The following MYT1L variants were observed in gnomAD, a reference collection of about 807,000 sequenced individuals.
MYT1L encodes myelin transcription factor 1 like.
Under a neutral mutation model 126.7 loss-of-function variants are expected in MYT1L, and 12 were observed. The observed-to-expected ratio is 0.09, with a 90% CI of 0.06 to 0.15. MYT1L has a LOEUF of 0.15. Among genes scored for constraint, MYT1L ranks in the 10% least tolerant of loss-of-function variants. The pLI, the probability that MYT1L is intolerant of heterozygous loss-of-function variation, is 1.00. For missense variants in MYT1L, 979 were observed against 1,585.2 expected, an observed-to-expected ratio of 0.62 and a Z score of 6.49; for synonymous variants, 541 against 604.2, an observed-to-expected ratio of 0.90 and a Z score of 1.53.
chr2:2,172,171 C>T (rs988079261), intron 3 of MYT1L, among the ~76,000 whole-genome samples: 1 of 152,174 alleles, frequency 6.6e-6, no homozygotes, highest in Admixed American at 6.5e-5. Context: ...AAAATATGTG[C>T]TGCCAGGCAG....
intron 21 of MYT1L, chr2:1,827,514 G>C (rs368253516): frequency 6.6e-6 from 1 of 152,252 alleles, no homozygotes; most frequent in African/African-American, 2.4e-5. Context: ...GTTGGGAAAA[G>C]GGGAGCATCC....
chr2:2,147,101 T>C (rs1254104700), intron 3 of MYT1L, among the ~76,000 whole-genome samples: 5 of 152,238 alleles, frequency 3.3e-5, no homozygotes, highest in Non-Finnish European at 2.9e-5. Context: ...CTCCAGCTGC[T>C]AGCAGGCTTG....
intron 8 of MYT1L, among the ~76,000 whole-genome samples, chr2:1,945,665 A>T (rs73910760): frequency 0.01 from 1,594 of 152,144 alleles, 36 homozygotes; most frequent in African/African-American, 0.037. Flanking sequence ...GAAATGAAAA[A>T]ATATATATAT....
intron 3 of MYT1L, among the ~76,000 whole-genome samples, chr2:2,117,259 A>G (rs2080332939): frequency 6.6e-6 from 1 of 152,248 alleles, no homozygotes; most frequent in South Asian, 2.1e-4. Flanking sequence ...TCTTCTCATG[A>G]CTTCAAAATA....
chr2:2,185,270 A>G lies in MYT1L; in HGVS notation c.-420-12282T>C, dbSNP rs562666718. Among the ~76,000 whole-genome samples the G allele has an allele frequency of 5.7e-4, 87 of 152,372 alleles. 1 individual carries two copies. The highest frequency in any genetic ancestry group is 2.0e-3 in the African/African-American group (82 of 41,596). ...GGCACTTTCAACACACAAAGCTTAT[A>G]TAACATATTTGTGCTATTTAATTAA... On this transcript the variant is annotated intron_variant, in intron 2 of 24. Transcript: ENST00000647738.
Position 2,055,223 on chromosome 2 carries a change from G to A in MYT1L, c.-303-1100C>T, listed in dbSNP as rs561793640. On this transcript the variant is annotated intron_variant, in intron 3 of 24. Transcript: ENST00000647738. Reference sequence around the variant, plus strand: ...GTAGAAACAAATTACAGAAGCATACGGGATGTATCTGCACATGTATTTCAT... The same window carrying A: ...GTAGAAACAAATTACAGAAGCATACAGGATGTATCTGCACATGTATTTCAT... Among the ~76,000 whole-genome samples the A allele has an allele frequency of 2.0e-5, 3 of 152,180 alleles. No individual in the cohort carries two copies. In the East Asian group the frequency reaches 5.8e-4, roughly 29 times the overall value.
At chr2:1,880,790 G>C (rs2047434500) in intron 18 of MYT1L, among the ~76,000 whole-genome samples, 1 of 152,192 alleles carries the variant, frequency 6.6e-6, no homozygotes, top group African/African-American at 2.4e-5. Context: ...ACCTCTCCAT[G>C]AAAAGCAGAG....
At chr2:1,799,067 C>T (rs901629076) in intron 23 of MYT1L, among the ~76,000 whole-genome samples, 31 of 152,180 alleles carry the variant, frequency 2.0e-4, no homozygotes, top group African/African-American at 6.5e-4. Context: ...TGGGGGACTC[C>T]GGCTCAGCGC....
intron 3 of MYT1L, among the ~76,000 whole-genome samples, chr2:2,121,262 C>A (rs945521328): frequency 6.6e-6 from 1 of 151,982 alleles, no homozygotes; most frequent in Non-Finnish European, 1.5e-5. Flanking sequence ...AACTCCACCT[C>A]CCGGGTCCGG....
chr2:2,310,463 C>CTATA (rs1233898555), intron 1 of MYT1L, among the ~76,000 whole-genome samples: 1 of 152,216 alleles, frequency 6.6e-6, no homozygotes, highest in Non-Finnish European at 1.5e-5. Context: ...CTTCAGTACA[C>CTATA]TATACTACTC....
At chr2:1,966,472 A>G (rs931999698) in intron 8 of MYT1L, among the ~76,000 whole-genome samples, 1 of 152,140 alleles carries the variant, frequency 6.6e-6, no homozygotes. Flanking sequence ...AACAGGTCTG[A>G]TCTTCCTGGA....
chr2:2,026,233 A>G (rs1212406761), intron 4 of MYT1L, among the ~76,000 whole-genome samples: 1 of 152,168 alleles, frequency 6.6e-6, no homozygotes, highest in Non-Finnish European at 1.5e-5. Context: ...ACGTGGCCCC[A>G]GTCTGTCCCC....
At chr2:2,015,572 G>A (rs1160651610) in intron 4 of MYT1L, among the ~76,000 whole-genome samples, 1 of 152,170 alleles carries the variant, frequency 6.6e-6, no homozygotes, top group Non-Finnish European at 1.5e-5. Context: ...AGTGTGCAAG[G>A]CATTATATGA....
intron 4 of MYT1L, among the ~76,000 whole-genome samples, chr2:2,049,966 T>C (rs529088861): frequency 2.0e-3 from 299 of 152,120 alleles, no homozygotes; most frequent in Non-Finnish European, 3.5e-3. Context: ...TGTGTATATA[T>C]ATATATATAA....
chr2:1,966,420 A>G (rs576023130), intron 8 of MYT1L, among the ~76,000 whole-genome samples: 1 of 152,350 alleles, frequency 6.6e-6, no homozygotes, highest in East Asian at 1.9e-4. Flanking sequence ...GATCTACAGT[A>G]GGATAACAGG....
intron 8 of MYT1L, among the ~76,000 whole-genome samples, chr2:1,946,222 C>A (rs1200588385): frequency 6.6e-6 from 1 of 152,048 alleles, no homozygotes; most frequent in Non-Finnish European, 1.5e-5. Context: ...TCTCCCATCA[C>A]ACCCAGATGG....
At chr2:1,825,398 A>G (rs2039166761) in intron 21 of MYT1L, 1 of 152,256 alleles carries the variant, frequency 6.6e-6, no homozygotes, top group African/African-American at 2.4e-5. Context: ...ATACATTGGT[A>G]GAATTTACAT....
chr2:2,148,603 G>A (rs1451567244), intron 3 of MYT1L, among the ~76,000 whole-genome samples: 1 of 152,198 alleles, frequency 6.6e-6, no homozygotes, highest in Non-Finnish European at 1.5e-5. Context: ...GGTGCCAAGG[G>A]CTTGAGGGGC....
intron 19 of MYT1L, among the ~76,000 whole-genome samples, chr2:1,847,566 G>A (rs542339318): frequency 7.9e-5 from 12 of 152,168 alleles, no homozygotes; most frequent in South Asian, 4.1e-4. Flanking sequence ...CCTGGGGGTC[G>A]GAGAAAAGAG....
Sources: gnomAD v4.1 joint callset for allele counts (sites outside exome capture counted in the v4.1 genomes callset) on GRCh38, gnomAD v4.1.1 for gene constraint, MANE v1.5 for transcripts, NCBI Gene and HGNC (gene_info 2026-07-23, HGNC 2026-07-21) for gene names.